The following ZBTB7C variants were observed in gnomAD, a reference collection of about 807,000 sequenced individuals.
ZBTB7C encodes the protein zinc finger and BTB domain containing 7C, also known as zinc finger and BTB domain-containing protein 7C.
ZBTB7C carries 8 observed loss-of-function variants against 25.7 expected under a neutral mutation model. That is an observed-to-expected ratio of 0.31 (90% CI 0.18 to 0.56). The LOEUF is 0.56. Ranked by LOEUF, ZBTB7C falls within the 20% of genes least tolerant of loss-of-function variation. ZBTB7C has a pLI of 0.91. For missense variants in ZBTB7C, 824 were observed against 855.2 expected, an observed-to-expected ratio of 0.96 and a Z score of 0.46; for synonymous variants, 394 against 369.0, an observed-to-expected ratio of 1.07 and a Z score of -0.78.
In ZBTB7C at chr18:48,381,241, A is replaced by G. The variant is rs2047627679; in HGVS notation, c.-304+27985T>C. Among the ~76,000 whole-genome samples, 4 of 152,214 alleles carry G rather than the reference A, an allele frequency of 2.6e-5. No individual in the cohort carries two copies. In the South Asian group the frequency reaches 8.3e-4, roughly 32 times the overall value. ...AGATGTATGAAACAGAAGATCCAAC[A>G]CAGGAGAGAATCAAAGAATCCCAGG... On this transcript the variant is annotated intron_variant, in intron 1 of 4. Coordinates refer to ENST00000590800, the MANE Select transcript of ZBTB7C (RefSeq NM_001318841.2).
At chr18:48,074,176 G>A (rs2037667724) in intron 3 of ZBTB7C, among the ~76,000 whole-genome samples, 1 of 152,066 alleles carries the variant, frequency 6.6e-6, no homozygotes, top group African/African-American at 2.4e-5. Context: ...ACCACGCCTA[G>A]CTAATTTTTC....
chr18:48,158,448 T>A (rs2040903571), intron 3 of ZBTB7C, among the ~76,000 whole-genome samples: 4 of 151,910 alleles, frequency 2.6e-5, no homozygotes, highest in Admixed American at 1.3e-4. Flanking sequence ...TGGGGCTGTG[T>A]GTTCTAGGGC....
chr18:48,334,188 G>A (rs1323170381), intron 2 of ZBTB7C, among the ~76,000 whole-genome samples: 1 of 152,128 alleles, frequency 6.6e-6, no homozygotes, highest in Non-Finnish European at 1.5e-5. Flanking sequence ...AAACTCAGGA[G>A]GATTGGCTAG....
At chr18:48,091,076 G>GTT (rs780518929) in intron 3 of ZBTB7C, among the ~76,000 whole-genome samples, 8 of 144,116 alleles carry the variant, frequency 5.6e-5, no homozygotes, top group Admixed American at 1.4e-4. Context: ...TGGTGTTTCT[G>GTT]TTTTTTTTTT....
chr18:48,225,566 T>A (rs1275011729), intron 2 of ZBTB7C, among the ~76,000 whole-genome samples: 2 of 152,090 alleles, frequency 1.3e-5, no homozygotes, highest in Non-Finnish European at 2.9e-5. Flanking sequence ...TTTTGCTGTA[T>A]CCCCCATGAG....
At chr18:48,353,667 G>T (rs191769398) in intron 1 of ZBTB7C, among the ~76,000 whole-genome samples, 3 of 152,208 alleles carry the variant, frequency 2.0e-5, no homozygotes, top group Admixed American at 1.3e-4. Flanking sequence ...GGGCCTTTCT[G>T]GGGGTGGCGG....
At chr18:48,042,179 G>T (rs2036276989) in intron 3 of ZBTB7C, among the ~76,000 whole-genome samples, 1 of 152,194 alleles carries the variant, frequency 6.6e-6, no homozygotes, top group Non-Finnish European at 1.5e-5. Flanking sequence ...GTTTCTGGTT[G>T]GGCCAGTAAA....
intron 3 of ZBTB7C, 165 bp from the exon 4 acceptor site, chr18:48,041,288 C>T: frequency 1.0e-6 from 1 of 985,248 alleles, no homozygotes; most frequent in Non-Finnish European, 1.2e-6. Context: ...CAATTCACAG[C>T]CTGGCTTACA....
chr18:48,138,242 G>C (rs2040234728), intron 3 of ZBTB7C, among the ~76,000 whole-genome samples: 1 of 152,248 alleles, frequency 6.6e-6, no homozygotes, highest in South Asian at 2.1e-4. Flanking sequence ...GGCCATGAAG[G>C]TCCAGGGATG....
intron 2 of ZBTB7C, among the ~76,000 whole-genome samples, chr18:48,228,487 C>T (rs2043162820): frequency 6.6e-6 from 1 of 152,110 alleles, no homozygotes; most frequent in East Asian, 1.9e-4. Context: ...CCTCTTGGGC[C>T]TCTCTGTCTC....
rs748019787 is a variant in ZBTB7C at position 48,040,536 on chromosome 18, T to C, written c.572A>G (p.Lys191Arg). The change falls in exon 4 of 5, where the codon AAG becomes AGG. Residue 191 changes from lysine (K) to arginine (R), a missense_variant. Physicochemically the swap from Lys to Arg is conservative, Grantham distance 26. Transcript: ENST00000590800. Reference protein sequence around the residue: ...QDISCHQSPSKTDHLTEKAYS... With the variant: ...QDISCHQSPSRTDHLTEKAYS... ...GGCCTTCTCTGTGAGATGGTCTGTC[T>C]TGGAAGGGCTTTGGTGGCAGCTGAT... 2 of 1,614,032 alleles carry C rather than the reference T, an allele frequency of 1.2e-6. No homozygotes were observed. Among genetic ancestry groups the C allele is most frequent in the Admixed American group, 3.3e-5 (2 of 60,012 alleles).
At chr18:48,147,248 TTG>T (rs1380221402) in intron 3 of ZBTB7C, among the ~76,000 whole-genome samples, 1 of 152,104 alleles carries the variant, frequency 6.6e-6, no homozygotes, top group African/African-American at 2.4e-5. Context: ...TGGCTAATTT[TTG>T]TGTTTTTAGT....
At chr18:48,068,751 A>G (rs1393859058) in intron 3 of ZBTB7C, among the ~76,000 whole-genome samples, 1 of 152,140 alleles carries the variant, frequency 6.6e-6, no homozygotes, top group Non-Finnish European at 1.5e-5. Flanking sequence ...GCATCTCCAG[A>G]CTTAACAAGC....
chr18:48,055,121 T>C (rs577108243), intron 3 of ZBTB7C, among the ~76,000 whole-genome samples: 57 of 152,020 alleles, frequency 3.7e-4, no homozygotes, highest in African/African-American at 1.3e-3. Flanking sequence ...GAACCTAATG[T>C]GGGGCTGGGC....
rs73429547 is a variant in ZBTB7C at position 48,085,302 on chromosome 18, G to A, written c.-16-44179C>T. Reference sequence around the variant, plus strand: ...AAGAGGGAGGGAAAGGCCCCATTTCGTCACCCAAGCATGTTTACCTTGTGG... The same window carrying A: ...AAGAGGGAGGGAAAGGCCCCATTTCATCACCCAAGCATGTTTACCTTGTGG... On this transcript the variant is annotated intron_variant, in intron 3 of 4. Coordinates refer to ENST00000590800, the MANE Select transcript of ZBTB7C (RefSeq NM_001318841.2). Among the ~76,000 whole-genome samples, 1,521 of 152,250 alleles carry A rather than the reference G, an allele frequency of 1.0e-2. 28 individuals carry two copies. The highest frequency in any genetic ancestry group is 0.035 in the African/African-American group (1,456 of 41,526).
At chr18:48,236,884 G>A (rs2043394118) in intron 2 of ZBTB7C, among the ~76,000 whole-genome samples, 1 of 152,154 alleles carries the variant, frequency 6.6e-6, no homozygotes, top group African/African-American at 2.4e-5. Flanking sequence ...ATTTAATATG[G>A]GAATTAGTCA....
rs1055983404 is a variant in ZBTB7C, at chr18:48,341,730, C to T, written c.-303-3332G>A. Among the ~76,000 whole-genome samples, 9 of 152,342 alleles carry T rather than the reference C, an allele frequency of 5.9e-5. No homozygotes were observed. The South Asian group carries it at 1.9e-3, about 32-fold the overall frequency. On this transcript the variant is annotated intron_variant, in intron 1 of 4. Transcript: ENST00000590800. ...GGATCAGTTGGTCTAATTCACCCATCATCATGCACTGCCATGGAAAAGAAC... is the reference window on the plus strand; with the variant it reads ...GGATCAGTTGGTCTAATTCACCCATTATCATGCACTGCCATGGAAAAGAAC...
intron 3 of ZBTB7C, among the ~76,000 whole-genome samples, chr18:48,092,490 A>G (rs1170831515): frequency 6.6e-6 from 1 of 152,254 alleles, no homozygotes; most frequent in Non-Finnish European, 1.5e-5. Flanking sequence ...CTCAAAGGTG[A>G]ATCACTTAAA....
intron 1 of ZBTB7C, 43 bp downstream of exon 1, chr18:48,409,182 AC>A (rs2048350886): frequency 6.9e-6 from 1 of 144,284 alleles, no homozygotes; most frequent in African/African-American, 2.6e-5. Flanking sequence ...GGAGATCGCG[AC>A]CCCGGCAGCC....
Sources: gnomAD v4.1 joint callset for allele counts (sites outside exome capture counted in the v4.1 genomes callset) on GRCh38, gnomAD v4.1.1 for gene constraint, MANE v1.5 for transcripts, NCBI Gene and HGNC (gene_info 2026-07-23, HGNC 2026-07-21) for gene names.